NRXN3: variants seen among roughly 807,000 people sequenced by gnomAD.
NRXN3 encodes neurexin 3, also known as neurexin III.
A neutral mutation model predicts 137.6 loss-of-function variants in NRXN3; 32 were observed. The observed-to-expected ratio is 0.23, with a 90% CI of 0.18 to 0.31. The LOEUF (loss-of-function observed/expected upper bound fraction) is 0.31. NRXN3 is among the 10% of genes least tolerant of loss of function. The pLI is 1.00. For synonymous variants in NRXN3, 798 were observed against 784.5 expected, an observed-to-expected ratio of 1.02 and a Z score of -0.29; for missense variants, 1,574 against 2,062.5, an observed-to-expected ratio of 0.76 and a Z score of 4.59.
At chr14:79,167,568 C>T (rs2061390882) in intron 15 of NRXN3, among the ~76,000 whole-genome samples, 1 of 152,050 alleles carries the variant, frequency 6.6e-6, no homozygotes, top group African/African-American at 2.4e-5. Flanking sequence ...CTTATCTGTT[C>T]TGCTTTTTTA....
chr14:78,372,487 G>A (rs2087039023), intron 4 of NRXN3, among the ~76,000 whole-genome samples: 1 of 151,904 alleles, frequency 6.6e-6, no homozygotes, highest in Non-Finnish European at 1.5e-5. Flanking sequence ...ACCATGCCTG[G>A]CTAATTTTTT....
intron 15 of NRXN3, among the ~76,000 whole-genome samples, chr14:79,388,994 T>C (rs1376600231): frequency 6.6e-6 from 1 of 152,136 alleles, no homozygotes; most frequent in Non-Finnish European, 1.5e-5. Flanking sequence ...TCTGCCATGA[T>C]TGTGAGGCCT....
chr14:79,791,427 A>G (rs1029829164), intron 19 of NRXN3, among the ~76,000 whole-genome samples: 13 of 147,714 alleles, frequency 8.8e-5, no homozygotes, highest in Admixed American at 6.1e-4. Context: ...CTCCTATAAT[A>G]GGAGCCAAAT....
At chr14:79,836,015 A>G (rs2099341530) in intron 20 of NRXN3, among the ~76,000 whole-genome samples, 1 of 152,168 alleles carries the variant, frequency 6.6e-6, no homozygotes, top group Non-Finnish European at 1.5e-5. Flanking sequence ...GTAAGTTTCA[A>G]TCAGAACTCA....
At chr14:78,706,636 G>A (rs557660354) in intron 6 of NRXN3, among the ~76,000 whole-genome samples, 2 of 152,168 alleles carry the variant, frequency 1.3e-5, no homozygotes, top group Non-Finnish European at 2.9e-5. Flanking sequence ...ATGATTACAG[G>A]TATCTCAAAT....
chr14:79,030,635 C>CTTTTTTTTTTTTTTTTTTT, intron 15 of NRXN3, among the ~76,000 whole-genome samples: 10 of 54,258 alleles, frequency 1.8e-4, no homozygotes, highest in East Asian at 1.1e-3. Context: ...TTCTCTGTGT[C>CTTTTTTTTTTTTTTTTTTT]TTTTTTTTTT....
intron 4 of NRXN3, among the ~76,000 whole-genome samples, chr14:78,371,384 C>T (rs1282725641): frequency 6.6e-6 from 1 of 152,072 alleles, no homozygotes; most frequent in South Asian, 2.1e-4. Flanking sequence ...ATCCCCCTTC[C>T]ACCTCCCCTT....
chr14:79,788,771 T>C (rs2099136858), intron 19 of NRXN3, among the ~76,000 whole-genome samples: 1 of 152,218 alleles, frequency 6.6e-6, no homozygotes, highest in African/African-American at 2.4e-5. Flanking sequence ...TTCAGTGTGA[T>C]TCCAAGAAAC....
chr14:79,698,587 T>C (rs1371360160), intron 19 of NRXN3, among the ~76,000 whole-genome samples: 1 of 152,014 alleles, frequency 6.6e-6, no homozygotes, highest in Non-Finnish European at 1.5e-5. Flanking sequence ...TTTGTGGCAG[T>C]TTTTTTCCAC....
intron 4 of NRXN3, among the ~76,000 whole-genome samples, chr14:78,625,504 G>A (rs918509329): frequency 6.6e-6 from 1 of 152,146 alleles, no homozygotes; most frequent in Non-Finnish European, 1.5e-5. Context: ...ATCAAAGGAA[G>A]GTTACTGGCA....
At chr14:78,846,948 A>G (rs1395243586) in intron 10 of NRXN3, among the ~76,000 whole-genome samples, 1 of 152,106 alleles carries the variant, frequency 6.6e-6, no homozygotes, top group African/African-American at 2.4e-5. Context: ...AGACTATTGC[A>G]TGCGGACTTG....
At chr14:79,349,177 AT>A (rs2093063511) in intron 15 of NRXN3, among the ~76,000 whole-genome samples, 1 of 152,112 alleles carries the variant, frequency 6.6e-6, no homozygotes, top group African/African-American at 2.4e-5. Context: ...CCAGATTTCA[AT>A]TCCTACGCTA....
intron 8 of NRXN3, among the ~76,000 whole-genome samples, chr14:78,722,833 G>C (rs1167758740): frequency 6.6e-6 from 1 of 152,132 alleles, no homozygotes; most frequent in African/African-American, 2.4e-5. Flanking sequence ...TGAGCAATTG[G>C]GACATGAGTG....
intron 4 of NRXN3, among the ~76,000 whole-genome samples, chr14:78,333,880 T>G (rs1181685803): frequency 6.6e-6 from 1 of 152,132 alleles, no homozygotes; most frequent in African/African-American, 2.4e-5. Flanking sequence ...TTTGGGAGGC[T>G]CCTGCCGTAA....
At chr14:78,384,139 C>A (rs1316520996) in intron 4 of NRXN3, among the ~76,000 whole-genome samples, 2 of 152,040 alleles carry the variant, frequency 1.3e-5, no homozygotes, top group East Asian at 1.9e-4. Context: ...AGGTAGGAAC[C>A]AATGGGACTT....
intron 4 of NRXN3, among the ~76,000 whole-genome samples, chr14:78,461,523 G>T: frequency 6.6e-6 from 1 of 152,136 alleles, no homozygotes; most frequent in East Asian, 1.9e-4. Context: ...TGTTCTCTCG[G>T]TTCTAACCTA....
intron 15 of NRXN3, among the ~76,000 whole-genome samples, chr14:79,247,686 C>T (rs2075374429): frequency 6.6e-6 from 1 of 152,080 alleles, no homozygotes; most frequent in South Asian, 2.1e-4. Context: ...TCATTGAAAT[C>T]ATTTCCTAGA....
chr14:79,461,316 A>G (rs573246678), intron 15 of NRXN3, among the ~76,000 whole-genome samples: 1 of 152,276 alleles, frequency 6.6e-6, no homozygotes, highest in East Asian at 1.9e-4. Flanking sequence ...TTTCTTTTTT[A>G]TTAAAATAGT....
chr14:78,446,754 T>C (rs1051418841), intron 4 of NRXN3, among the ~76,000 whole-genome samples: 20 of 152,222 alleles, frequency 1.3e-4, no homozygotes, highest in African/African-American at 3.6e-4. Flanking sequence ...GTAGCTGCCC[T>C]GGTTAAAGAT....
Sources: allele counts gnomAD v4.1 joint callset (sites outside exome capture counted in the v4.1 genomes callset), GRCh38; gene constraint gnomAD v4.1.1; transcripts MANE v1.5; gene names NCBI Gene and HGNC (gene_info 2026-07-23, HGNC 2026-07-21).